CACNG4: variants seen among roughly 807,000 people sequenced by gnomAD.
CACNG4 encodes the protein calcium voltage-gated channel auxiliary subunit gamma 4.
CACNG4 carries 8 observed loss-of-function variants against 22.9 expected under a neutral mutation model. The ratio of observed to expected loss-of-function variants is 0.35; its 90% CI spans 0.21 to 0.63. The LOEUF is 0.63. Ranked by LOEUF, CACNG4 falls within the 30% of genes least tolerant of loss-of-function variation. The probability of loss-of-function intolerance (pLI) is 0.72; values close to 1 mark genes in which losing one functional copy is unlikely to be tolerated. For missense variants in CACNG4, 357 were observed against 455.4 expected (o/e 0.78, Z 1.97); for synonymous variants, 188 against 191.9 (o/e 0.98, Z 0.17).
At position 67,022,886 on chromosome 17, in the gene CACNG4, C is replaced by T. The variant is rs983117324; in HGVS notation, c.305-1974C>T. On this transcript the variant is annotated intron_variant, in intron 2 of 3. Transcript: ENST00000262138. ...CCCTAAGCCCCTACTGGGTGCTTGA[C>T]ATTTTCTCACAGTAACCCTCCAATG... is the stretch of plus-strand genomic sequence containing the variant. Among the ~76,000 whole-genome samples, 80 of 152,238 alleles carry T rather than the reference C, an allele frequency of 5.3e-4. 1 individual carries two copies. Among genetic ancestry groups the T allele is most frequent in the Admixed American group, 2.5e-3 (38 of 15,282 alleles).
At chr17:66,993,330 C>T (rs2035353771) in intron 1 of CACNG4, among the ~76,000 whole-genome samples, 2 of 152,358 alleles carry the variant, frequency 1.3e-5, no homozygotes, top group Middle Eastern at 3.4e-3. Context: ...GGGCCACTGG[C>T]TCGCAGGGCT....
chr17:66,989,924 C>G (rs147842724), intron 1 of CACNG4, among the ~76,000 whole-genome samples: 12 of 145,654 alleles, frequency 8.2e-5, no homozygotes, highest in Middle Eastern at 3.8e-3. Flanking sequence ...TGACTATTTC[C>G]AAGGCTGGAC....
At position 67,030,617 on chromosome 17, in the gene CACNG4, C is replaced by T. The variant is rs142496896; in HGVS notation, c.597C>T (p.Gly199=). 207 of 1,614,218 alleles carry T rather than the reference C, an allele frequency of 1.3e-4. 1 individual carries two copies. The South Asian group carries it at 1.6e-3, about 12-fold the overall frequency. ...CTTTCATTGTGGCTGAGACCGTGGG[C>T]GTCCTGGCTGTAAACATTTACATTG... ...ALSFIVAETV[G]VLAVNIYIEK... Residue 199 remains glycine (G), a synonymous_variant, in exon 4 of 4, where the codon GGC becomes GGT. Coordinates refer to ENST00000262138, the MANE Select transcript of CACNG4 (RefSeq NM_014405.4). The surrounding 1 kb of genome is among the most constrained non-coding windows in gnomAD (Gnocchi z 6.4).
chr17:66,990,094 G>A (rs978445364), intron 1 of CACNG4, among the ~76,000 whole-genome samples: 3 of 152,198 alleles, frequency 2.0e-5, no homozygotes, highest in Admixed American at 6.5e-5. Flanking sequence ...AGCCGCATCC[G>A]CTGCTTAAGT....
At chr17:67,021,111 G>A (rs1422234682) in intron 2 of CACNG4, among the ~76,000 whole-genome samples, 1 of 152,116 alleles carries the variant, frequency 6.6e-6, no homozygotes, top group African/African-American at 2.4e-5. Context: ...TAAGGTGGGC[G>A]GATCATTTGA....
chr17:66,983,956 G>A (rs902180912), intron 1 of CACNG4, among the ~76,000 whole-genome samples: 1 of 152,252 alleles, frequency 6.6e-6, no homozygotes, highest in Admixed American at 6.5e-5. Context: ...GTGGGCTGTT[G>A]TCTGGGAGGG....
chr17:67,032,087 TAGCAGCAACTGGCCCC>T lies in CACNG4; in HGVS notation c.*1085_*1100del. On this transcript the variant is annotated 3_prime_UTR_variant, in exon 4 of 4. Transcript: ENST00000262138. ...ACCTTCATTTCTTTGTCTTAAAAAG[TAGCAGCAACTGGCCCC>T]ACAACTCCTGTCATTGTAAGTTATT... is the stretch of plus-strand genomic sequence containing the variant. 1 of 418,332 alleles carries T rather than the reference TAGCAGCAACTGGCCCC, an allele frequency of 2.4e-6. No individual in the cohort carries two copies. The highest frequency in any genetic ancestry group is 4.8e-6 in the Non-Finnish European group (1 of 209,758). 25.9% of individuals were successfully genotyped at this position (418,332 alleles called of 1,614,324 possible). A position where few individuals can be genotyped will look rare whatever the true frequency, so the allele number is the denominator to read the frequency against.
intron 3 of CACNG4, among the ~76,000 whole-genome samples, chr17:67,028,565 C>CA (rs926177663): frequency 4.0e-5 from 6 of 150,968 alleles, no homozygotes; most frequent in Non-Finnish European, 5.9e-5. Flanking sequence ...AAAAGAAAAA[C>CA]AAAAACAGAA....
intron 1 of CACNG4, among the ~76,000 whole-genome samples, chr17:66,982,938 C>T (rs779097270): frequency 2.0e-5 from 3 of 152,194 alleles, no homozygotes; most frequent in Non-Finnish European, 4.4e-5. Flanking sequence ...GCTTAATCCT[C>T]CGCCAGCCTG....
chr17:66,988,492 G>A (rs1025087588), intron 1 of CACNG4, among the ~76,000 whole-genome samples: 3 of 152,148 alleles, frequency 2.0e-5, no homozygotes, highest in African/African-American at 7.2e-5. Flanking sequence ...TCTGCCTCTT[G>A]GCTCCGCGTG....
chr17:66,981,985 G>A (rs1229834330), intron 1 of CACNG4, among the ~76,000 whole-genome samples: 1 of 152,196 alleles, frequency 6.6e-6, no homozygotes, highest in African/African-American at 2.4e-5. Context: ...ACAGGCTAGA[G>A]TGCAGTGGTG....
rs1251749545 is a variant in CACNG4 at position 67,030,794 on chromosome 17, G to A, written c.774G>A (p.Val258=). The A allele has an allele frequency of 1.2e-6, 2 of 1,613,994 alleles. No homozygotes were observed. The highest frequency in any genetic ancestry group is 2.7e-5 in the African/African-American group (2 of 74,914). ...CCGAGGCCTCGCCCTCCAGGGACGT[G>A]TCGCCCATGGGCCTGAAGATCACAG... ...RSTEASPSRD[V]SPMGLKITGA... is the part of the protein sequence containing the mutation. The change falls in exon 4 of 4, where the codon GTG becomes GTA. Residue 258 remains valine, a synonymous_variant. Transcript: ENST00000262138. This position sits in a 1 kb window ranked among gnomAD's most constrained non-coding sequence, Gnocchi z 6.4.
chr17:67,012,893 G>T (rs930844894), intron 1 of CACNG4, among the ~76,000 whole-genome samples: 1 of 152,250 alleles, frequency 6.6e-6, no homozygotes. Flanking sequence ...AGCTGTGAAT[G>T]TGAGGATCAA....
At chr17:67,022,937 T>G (rs1598124346) in intron 2 of CACNG4, among the ~76,000 whole-genome samples, 1 of 152,332 alleles carries the variant, frequency 6.6e-6, no homozygotes, top group East Asian at 1.9e-4. Flanking sequence ...CCAAGGCCAT[T>G]GTAACAAATG....
chr17:67,029,202 C>T (rs975970178), intron 3 of CACNG4, among the ~76,000 whole-genome samples: 3 of 152,044 alleles, frequency 2.0e-5, no homozygotes, highest in Non-Finnish European at 4.4e-5. Flanking sequence ...CATGGTGGTG[C>T]GTGCCTGTAA....
At chr17:66,975,336 A>AAGC (rs994765768) in intron 1 of CACNG4, among the ~76,000 whole-genome samples, 47 of 152,266 alleles carry the variant, frequency 3.1e-4, no homozygotes, top group African/African-American at 1.1e-3. Context: ...GTCCACATGG[A>AAGC]AGCAGCAGCA....
chr17:67,004,106 G>A (rs976412526), intron 1 of CACNG4, among the ~76,000 whole-genome samples: 4 of 152,126 alleles, frequency 2.6e-5, no homozygotes, highest in African/African-American at 4.8e-5. Flanking sequence ...CAGCTCCCTA[G>A]TTGTTCCTCA....
At chr17:67,004,296 C>T (rs1448570165) in intron 1 of CACNG4, among the ~76,000 whole-genome samples, 2 of 152,166 alleles carry the variant, frequency 1.3e-5, no homozygotes, top group Admixed American at 1.3e-4. Context: ...GGAAATCTCT[C>T]CGGCTCCGTT....
intron 1 of CACNG4, among the ~76,000 whole-genome samples, chr17:66,968,015 C>G (rs1488567412): frequency 6.6e-6 from 1 of 152,214 alleles, no homozygotes; most frequent in Non-Finnish European, 1.5e-5. Flanking sequence ...GTCCAAAATA[C>G]TCAAGTGTGC....
Sources: allele counts gnomAD v4.1 joint callset (sites outside exome capture counted in the v4.1 genomes callset), GRCh38; gene constraint gnomAD v4.1.1; non-coding constraint Gnocchi (gnomAD v3.1); transcripts MANE v1.5; gene names NCBI Gene and HGNC (gene_info 2026-07-23, HGNC 2026-07-21).